The following SUGCT variants were observed in gnomAD, a reference collection of about 807,000 sequenced individuals.
The protein encoded by SUGCT is succinyl-CoA:glutarate-CoA transferase, also known as succinyl-CoA:glutarate CoA-transferase.
A neutral mutation model predicts 55.0 loss-of-function variants in SUGCT; 41 were observed. That is an observed-to-expected ratio of 0.74 (90% confidence interval 0.58 to 0.97). The LOEUF is 0.97. Ranked by LOEUF, SUGCT falls within the 50% of genes least tolerant of loss-of-function variation. SUGCT has a pLI of 0.00. For missense variants in SUGCT, 568 were observed against 547.8 expected (o/e 1.04, Z -0.37); for synonymous variants, 187 against 200.4 (o/e 0.93, Z 0.56).
At chr7:40,956,255 C>G in the SUGCT span, among the ~76,000 whole-genome samples, 964 of 152,136 alleles carry the variant, frequency 6.3e-3, 6 homozygotes, top group African/African-American at 0.022. Flanking sequence ...TTTGTCTGGT[C>G]TTTGGTTTTT....
intron 12 of SUGCT, among the ~76,000 whole-genome samples, chr7:40,728,781 G>T (rs1313306624): frequency 6.6e-6 from 1 of 152,150 alleles, no homozygotes; most frequent in Non-Finnish European, 1.5e-5. Flanking sequence ...CTCTTCTATA[G>T]GTCCAGTCTG....
chr7:40,516,769 C>A (rs1416000954), intron 12 of SUGCT, among the ~76,000 whole-genome samples: 2 of 151,996 alleles, frequency 1.3e-5, no homozygotes, highest in African/African-American at 4.8e-5. Flanking sequence ...GTGTCTGTAC[C>A]TCATTTTTCT....
At chr7:40,958,315 T>C in the SUGCT span, among the ~76,000 whole-genome samples, 1 of 152,230 alleles carries the variant, frequency 6.6e-6, no homozygotes, top group South Asian at 2.1e-4. Context: ...GCATAGGTTT[T>C]GTCTCCTCAC....
intron 12 of SUGCT, among the ~76,000 whole-genome samples, chr7:40,557,361 A>G (rs1795605035): frequency 6.6e-6 from 1 of 152,232 alleles, no homozygotes; most frequent in South Asian, 2.1e-4. Context: ...ACAGGGGGAA[A>G]TCTTCACGAC....
At chr7:40,768,531 A>G (rs1788921380) in intron 13 of SUGCT, among the ~76,000 whole-genome samples, 1 of 150,298 alleles carries the variant, frequency 6.7e-6, no homozygotes, top group Non-Finnish European at 1.5e-5. Flanking sequence ...TGTTTTAAAC[A>G]GCACCGAGAC....
intron 1 of SUGCT, among the ~76,000 whole-genome samples, chr7:40,176,906 G>A (rs981148118): frequency 4.8e-4 from 71 of 148,682 alleles, no homozygotes; most frequent in African/African-American, 1.4e-3. Context: ...CTGGGAAGCG[G>A]AGATTGCAGT....
chr7:40,412,210 A>G (rs1229738934), intron 9 of SUGCT, among the ~76,000 whole-genome samples: 1 of 152,200 alleles, frequency 6.6e-6, no homozygotes, highest in Non-Finnish European at 1.5e-5. Context: ...CAGAGACTGC[A>G]CTGCTTGTCC....
At chr7:40,476,013 A>T (rs1470165583) in intron 11 of SUGCT, among the ~76,000 whole-genome samples, 1 of 152,088 alleles carries the variant, frequency 6.6e-6, no homozygotes, top group African/African-American at 2.4e-5. Flanking sequence ...TGGTAAGAGC[A>T]TGGATTCTGG....
intron 5 of SUGCT, among the ~76,000 whole-genome samples, chr7:40,194,375 C>T (rs1046393858): frequency 2.0e-5 from 3 of 152,250 alleles, no homozygotes; most frequent in East Asian, 3.9e-4. Context: ...ATCCTCCCAC[C>T]TGAGCCTCCC....
intron 12 of SUGCT, among the ~76,000 whole-genome samples, chr7:40,555,644 T>A (rs532670288): frequency 1.8e-4 from 27 of 152,146 alleles, no homozygotes; most frequent in Non-Finnish European, 3.2e-4. Context: ...ATTCAGTAGG[T>A]CTTGTGTGGA....
At chr7:40,429,935 T>G (rs1340102458) in intron 9 of SUGCT, among the ~76,000 whole-genome samples, 2 of 152,346 alleles carry the variant, frequency 1.3e-5, no homozygotes, top group Non-Finnish European at 2.9e-5. Flanking sequence ...TATTTTTCTT[T>G]CTGTGTCTGA....
the SUGCT span, among the ~76,000 whole-genome samples, chr7:40,963,316 G>T: frequency 2.6e-5 from 4 of 152,050 alleles, no homozygotes; most frequent in African/African-American, 7.2e-5. Flanking sequence ...TCCCAATTCA[G>T]CTTCCTAATG....
chr7:40,264,763 C>T (rs913440468), intron 7 of SUGCT, among the ~76,000 whole-genome samples: 11 of 152,176 alleles, frequency 7.2e-5, no homozygotes, highest in Non-Finnish European at 1.3e-4. Flanking sequence ...TAATCAAAGT[C>T]TCTGAATTCA....
intron 6 of SUGCT, among the ~76,000 whole-genome samples, chr7:40,229,112 C>T (rs1371439005): frequency 6.6e-6 from 1 of 152,152 alleles, no homozygotes; most frequent in Admixed American, 6.6e-5. Flanking sequence ...GTTAGTTCCT[C>T]TTAGTGGGAA....
chr7:40,691,267 T>C (rs1784687571), intron 12 of SUGCT, among the ~76,000 whole-genome samples: 1 of 152,178 alleles, frequency 6.6e-6, no homozygotes, highest in Non-Finnish European at 1.5e-5. Context: ...TATATGAGAC[T>C]GTGTAGACTC....
intron 9 of SUGCT, among the ~76,000 whole-genome samples, chr7:40,317,124 T>C (rs1795484790): frequency 9.3e-6 from 1 of 107,876 alleles, no homozygotes; most frequent in Admixed American, 9.5e-5. Context: ...GCTCGTATGA[T>C]GGTTTTCTTT....
In SUGCT at chr7:40,194,956, ATGTGTTT is replaced by A; in HGVS notation, c.381_387del (p.Asp127GlufsTer20). On this transcript the variant is annotated frameshift_variant, in exon 6 of 14. Transcript: ENST00000335693. LOFTEE classifies it high-confidence loss of function. ...TTCCATCAGCTTGCAGCTGTTTGTGATGTGTTTGTGGAAAACTATGTCCCTGGCAAAC... is the reference window on the plus strand; with the variant it reads ...TTCCATCAGCTTGCAGCTGTTTGTGAGTGGAAAACTATGTCCCTGGCAAAC... The A allele has an allele frequency of 6.2e-7, 1 of 1,613,466 alleles. No homozygotes were observed. The highest frequency in any genetic ancestry group is 8.5e-7 in the Non-Finnish European group (1 of 1,179,708).
At chr7:40,683,162 A>G (rs1174858973) in intron 12 of SUGCT, among the ~76,000 whole-genome samples, 1 of 152,148 alleles carries the variant, frequency 6.6e-6, no homozygotes, top group Non-Finnish European at 1.5e-5. Flanking sequence ...AATAAAGACA[A>G]TTTCTCAGTT....
intron 12 of SUGCT, among the ~76,000 whole-genome samples, chr7:40,562,468 G>A (rs572432371): frequency 1.3e-5 from 2 of 152,216 alleles, no homozygotes; most frequent in African/African-American, 4.8e-5. Context: ...GCCATAAGGT[G>A]TAGATCTAAT....
Sources: gnomAD v4.1 joint callset for allele counts (sites outside exome capture counted in the v4.1 genomes callset) on GRCh38, gnomAD v4.1.1 for gene constraint, MANE v1.5 for transcripts, NCBI Gene and HGNC (gene_info 2026-07-23, HGNC 2026-07-21) for gene names.